The following MTBP variants were observed in gnomAD, a reference collection of about 807,000 sequenced individuals.
MTBP encodes MDM2 binding protein, also known as mdm2-binding protein.
MTBP carries 101 observed loss-of-function variants against 117.0 expected under a neutral mutation model. That is an observed-to-expected ratio of 0.86 (90% CI 0.73 to 1.02). MTBP has a LOEUF of 1.02. Among genes scored for constraint, MTBP ranks in the 50% least tolerant of loss-of-function variants. MTBP has a pLI of 0.00. For synonymous variants in MTBP, 350 were observed against 351.5 expected (o/e 1.00, Z 0.05); for missense variants, 970 against 1,030.9 (o/e 0.94, Z 0.81).
In MTBP at chr8:120,516,128, G is replaced by A. The variant is rs574546258; in HGVS notation, c.2183G>A (p.Arg728Gln). 23 of 1,612,598 alleles carry A rather than the reference G, an allele frequency of 1.4e-5. No homozygotes were observed. The African/African-American group carries it at 1.7e-4, about 12-fold the overall frequency. Residue 728 changes from arginine (R) to glutamine (Q), a missense_variant, in exon 18 of 22, where the codon CGA becomes CAA. Physicochemically the swap from Arg to Gln is conservative, Grantham distance 43. Transcript: ENST00000305949. ...GGAGAAGTTTTACAAAATGAACTTC[G>A]AACTGAAGTATCCCGATTGAAACGG... ...PDGEVLQNEL[R>Q]TEVSRLKRRS...
chr8:120,496,075 T>C (rs1055080458), intron 13 of MTBP, among the ~76,000 whole-genome samples: 2 of 152,182 alleles, frequency 1.3e-5, no homozygotes, highest in African/African-American at 4.8e-5. Flanking sequence ...TATGGCCAAG[T>C]TGGCCTTCTT....
At position 120,497,432 on chromosome 8, in the gene MTBP, T is replaced by C. The variant is rs1814490821; in HGVS notation, c.1487T>C (p.Val496Ala). Reference sequence around the variant, plus strand: ...GCAAAGCAGCCTGAAACAGTTTCTGTTGCTGAACTCAAAAGTCTGTTAGTA... The same window carrying C: ...GCAAAGCAGCCTGAAACAGTTTCTGCTGCTGAACTCAAAAGTCTGTTAGTA... ...KLAKQPETVS[V>A]AELKSLLVLT... Residue 496 changes from valine (V) to alanine (A), a missense_variant, in exon 14 of 22, where the codon GTT (valine) becomes GCT (alanine). Physicochemically the swap from Val to Ala is moderately conservative, Grantham distance 64. Coordinates refer to ENST00000305949, the MANE Select transcript of MTBP (RefSeq NM_022045.5). 5 of 1,607,138 alleles carry C rather than the reference T, an allele frequency of 3.1e-6. No individual in the cohort carries two copies. The African/African-American group carries it at 4.0e-5, about 13-fold the overall frequency.
rs559123913 is a variant in MTBP at position 120,482,443 on chromosome 8, T to G, written c.1166-5716T>G. 1.5e-4 allele frequency among the ~76,000 whole-genome samples: 23 copies of G among 152,044 alleles called. No homozygotes were observed. The South Asian group carries it at 4.6e-3, about 30-fold the overall frequency. ...CAATCTTCTATGCTTCTGTGTCTGTTGAACAATAAAGAAATCATTGCTGTT... is the reference window on the plus strand; with the variant it reads ...CAATCTTCTATGCTTCTGTGTCTGTGGAACAATAAAGAAATCATTGCTGTT... On this transcript the variant is annotated intron_variant, in intron 11 of 21. Coordinates refer to ENST00000305949, the MANE Select transcript of MTBP (RefSeq NM_022045.5).
chr8:120,506,056 A>G (rs958452667), intron 15 of MTBP, among the ~76,000 whole-genome samples: 2 of 152,162 alleles, frequency 1.3e-5, no homozygotes, highest in East Asian at 3.8e-4. Context: ...TTTCATTTTG[A>G]GATAAGACCT....
intron 11 of MTBP, chr8:120,471,817 T>C (rs1452251588): frequency 6.6e-6 from 1 of 152,140 alleles, no homozygotes; most frequent in African/African-American, 2.4e-5. Flanking sequence ...GAATCTGTGC[T>C]CTTGTGCTCT....
chr8:120,477,273 A>G lies in MTBP; in HGVS notation c.1165+6336A>G, dbSNP rs557107860. 6.6e-5 allele frequency among the ~76,000 whole-genome samples: 10 copies of G among 152,364 alleles called. No homozygotes were observed. In the East Asian group the frequency reaches 1.9e-3, roughly 29 times the overall value. On this transcript the variant is annotated intron_variant, in intron 11 of 21. Transcript: ENST00000305949. ...AACTCAAGATGGATTAAAGACTTAC[A>G]CATAAGACCTAAAACCATAAAAACC...
At chr8:120,497,227 C>A (rs1303710033) in intron 13 of MTBP, among the ~76,000 whole-genome samples, 166 bp from the exon 14 acceptor site, 1 of 152,158 alleles carries the variant, frequency 6.6e-6, no homozygotes, top group Non-Finnish European at 1.5e-5. Context: ...CTCCCATTAT[C>A]TACAAATAGG....
At chr8:120,508,425 A>T (rs1419252703) in intron 16 of MTBP, among the ~76,000 whole-genome samples, 1 of 152,214 alleles carries the variant, frequency 6.6e-6, no homozygotes, top group Non-Finnish European at 1.5e-5. Context: ...AAAATGCTAG[A>T]TAAAGATTTC....
intron 16 of MTBP, among the ~76,000 whole-genome samples, chr8:120,507,498 TTACTC>T (rs544835801): frequency 5.8e-4 from 89 of 152,280 alleles, no homozygotes; most frequent in African/African-American, 2.0e-3. Flanking sequence ...AATTTACTAA[TTACTC>T]TAATGTCTTT....
intron 17 of MTBP, 88 bp from the exon 18 acceptor site, chr8:120,515,837 G>C: frequency 8.1e-7 from 1 of 1,230,594 alleles, no homozygotes; most frequent in Non-Finnish European, 1.1e-6. Context: ...AACTCTTAAA[G>C]TAAATGTCCT....
chr8:120,490,331 G>T (rs576995247), intron 12 of MTBP, 132 bp from the exon 13 acceptor site: 24 of 600,948 alleles, frequency 4.0e-5, no homozygotes, highest in Non-Finnish European at 6.1e-5. Flanking sequence ...AAATATGTAA[G>T]GTCGAGAGAG....
intron 7 of MTBP, among the ~76,000 whole-genome samples, chr8:120,458,652 C>T (rs1010278220): frequency 1.4e-4 from 22 of 151,772 alleles, no homozygotes; most frequent in African/African-American, 5.3e-4. Flanking sequence ...CCAGCCTGGC[C>T]AACATGGTAA....
intron 11 of MTBP, among the ~76,000 whole-genome samples, chr8:120,474,291 AT>A (rs1168310439): frequency 6.6e-6 from 1 of 152,074 alleles, no homozygotes; most frequent in Non-Finnish European, 1.5e-5. Flanking sequence ...AGAAGTAGAA[AT>A]AAAATCAAAC....
At chr8:120,505,425 C>G (rs1227550131) in intron 15 of MTBP, among the ~76,000 whole-genome samples, 1 of 152,130 alleles carries the variant, frequency 6.6e-6, no homozygotes, top group Non-Finnish European at 1.5e-5. Flanking sequence ...AGCTCCCACC[C>G]TGCTGGAGTA....
At chr8:120,468,648 T>C (rs1472803544) in intron 10 of MTBP, among the ~76,000 whole-genome samples, 1 of 152,174 alleles carries the variant, frequency 6.6e-6, no homozygotes, top group Admixed American at 6.6e-5. Context: ...GGTCAGGCGT[T>C]GTCATGGAGA....
At chr8:120,462,059 G>T (rs113330742) in intron 9 of MTBP, among the ~76,000 whole-genome samples, 15 of 152,246 alleles carry the variant, frequency 9.9e-5, no homozygotes, top group African/African-American at 3.1e-4. Context: ...TGGCTTGGGG[G>T]TGTTGAGGGC....
intron 15 of MTBP, among the ~76,000 whole-genome samples, chr8:120,503,237 T>C (rs952807829): frequency 6.6e-6 from 1 of 152,288 alleles, no homozygotes; most frequent in East Asian, 1.9e-4. Flanking sequence ...TTCATACACA[T>C]GAAACAGGCA....
At chr8:120,499,352 C>G (rs1438936255) in intron 14 of MTBP, among the ~76,000 whole-genome samples, 1 of 152,092 alleles carries the variant, frequency 6.6e-6, no homozygotes, top group Non-Finnish European at 1.5e-5. Flanking sequence ...CCAGACCTTC[C>G]CCAGTTTCAG....
Position 120,451,083 on chromosome 8 carries a change from T to C in MTBP, c.273+7T>C. On this transcript the variant is annotated splice_region_variant and intron_variant, in intron 3 of 21. Transcript: ENST00000305949. The stretch of plus-strand genomic sequence containing the variant: ...AATATATGGATTTTATCAGGTAATA[T>C]AAATTTAAAGATAGCTACTAATGAA... 1 of 1,605,358 alleles carries C rather than the reference T, an allele frequency of 6.2e-7. No individual in the cohort carries two copies. Among genetic ancestry groups the C allele is most frequent in the South Asian group, 1.1e-5 (1 of 89,574 alleles).
Sources: gnomAD v4.1 joint callset for allele counts (sites outside exome capture counted in the v4.1 genomes callset) on GRCh38, gnomAD v4.1.1 for gene constraint, MANE v1.5 for transcripts, NCBI Gene and HGNC (gene_info 2026-07-23, HGNC 2026-07-21) for gene names.